The following PRDM2 variants were observed in gnomAD, a reference collection of about 807,000 sequenced individuals.
The protein encoded by PRDM2 is PR/SET domain 2.
In PRDM2, 30 loss-of-function variants were observed where a neutral mutation model predicts 130.0. The ratio of observed to expected loss-of-function variants is 0.23; its 90% CI spans 0.17 to 0.31. PRDM2 has a LOEUF of 0.31. Ranked by LOEUF, PRDM2 falls within the 10% of genes least tolerant of loss-of-function variation. The pLI, the probability that PRDM2 is intolerant of heterozygous loss-of-function variation, is 1.00. For missense variants in PRDM2, 2,011 were observed against 2,108.4 expected (o/e 0.95, Z 0.90); for synonymous variants, 871 against 782.4 (o/e 1.11, Z -1.89).
At position 13,824,448 on chromosome 1, in the gene PRDM2, A is replaced by C. The variant is rs1398477032; in HGVS notation, c.*1313A>C. The C allele has an allele frequency of 6.6e-6, 1 of 152,214 alleles. No individual in the cohort carries two copies. The highest frequency in any genetic ancestry group is 1.5e-5 in the Non-Finnish European group (1 of 68,032). 9.4% of individuals were successfully genotyped at this position (152,214 alleles called of 1,614,324 possible). On this transcript the variant is annotated 3_prime_UTR_variant, in exon 10 of 10. Coordinates refer to ENST00000311066, the MANE Select transcript of PRDM2 (RefSeq NM_001393986.1). ...CCTGACTGTAAATGCTCCATTTTTA[A>C]AGTTTTATAACTTGTGTTATTTAAT... is the stretch of plus-strand genomic sequence containing the variant.
chr1:13,822,286 A>G (rs945012316), intron 9 of PRDM2, among the ~76,000 whole-genome samples: 1 of 152,162 alleles, frequency 6.6e-6, no homozygotes, highest in African/African-American at 2.4e-5. Flanking sequence ...CGTGTCCTCT[A>G]GACACATATG....
intron 8 of PRDM2, 96 bp downstream of exon 8, chr1:13,782,927 TTTC>T (rs1426235195): frequency 1.9e-6 from 3 of 1,572,112 alleles, no homozygotes; most frequent in East Asian, 2.2e-5. Context: ...TTTTTTTTTT[TTTC>T]CCCACTTAAA....
intron 2 of PRDM2, 56 bp from the exon 3 acceptor site, chr1:13,730,944 C>T (rs200551782): frequency 8.6e-7 from 1 of 1,160,804 alleles, no homozygotes. Context: ...AAAAAAAAAA[C>T]CCATGATTTG....
At chr1:13,762,447 ACCTTG>A (rs1307628355) in intron 6 of PRDM2, among the ~76,000 whole-genome samples, 1 of 152,172 alleles carries the variant, frequency 6.6e-6, no homozygotes, top group Admixed American at 6.5e-5. Context: ...AGCACGAGTA[ACCTTG>A]GAGACACAGG....
chr1:13,822,499 C>T (rs1645369149), intron 9 of PRDM2, among the ~76,000 whole-genome samples: 1 of 151,686 alleles, frequency 6.6e-6, no homozygotes, highest in South Asian at 2.1e-4. Context: ...AGGTTCACGC[C>T]ATTCTCCTGC....
In PRDM2 at chr1:13,823,324, A is replaced by AACAC; in HGVS notation, c.*189_*190insACAC. On this transcript the variant is annotated 3_prime_UTR_variant, in exon 10 of 10. Coordinates refer to ENST00000311066, the MANE Select transcript of PRDM2 (RefSeq NM_001393986.1). Reference sequence around the variant, plus strand: ...TCACGTGTTCTCGTGCGGGCGCGTGAGTGGTCTTCAAACGAGGGTCCCGAT... The same window carrying AACAC: ...TCACGTGTTCTCGTGCGGGCGCGTGAACACGTGGTCTTCAAACGAGGGTCCCGAT... 1.9e-6 allele frequency: 2 copies of AACAC among 1,034,462 alleles called. No homozygotes were observed. Among genetic ancestry groups the AACAC allele is most frequent in the Non-Finnish European group, 2.9e-6 (2 of 684,160 alleles). 64.1% of individuals were successfully genotyped at this position (1,034,462 alleles called of 1,614,324 possible).
At position 13,823,270 on chromosome 1, in the gene PRDM2, C is replaced by T. The variant is rs532631041; in HGVS notation, c.*135C>T. The T allele has an allele frequency of 4.5e-5, 66 of 1,456,912 alleles. No homozygotes were observed. In the Middle Eastern group the frequency reaches 5.2e-4, roughly 11 times the overall value. The allele number at this position is 1,456,912 out of a possible 1,614,324, so 90.2% of individuals were successfully genotyped here. A position where few individuals can be genotyped will look rare whatever the true frequency, so the allele number is the denominator to read the frequency against. ...CTGCGAGAGAAAGGGAGTGCATGTG[C>T]GCGCGTGCATGTGTGCGTGCGTGTG... On this transcript the variant is annotated 3_prime_UTR_variant, in exon 10 of 10. Transcript: ENST00000311066.
chr1:13,724,794 A>C (rs770624178), intron 2 of PRDM2, among the ~76,000 whole-genome samples: 1 of 152,214 alleles, frequency 6.6e-6, no homozygotes, highest in Non-Finnish European at 1.5e-5. Flanking sequence ...TATAAAACAA[A>C]GTATGGAAGA....
chr1:13,714,953 A>T (rs1266205702), intron 1 of PRDM2, among the ~76,000 whole-genome samples: 3 of 152,206 alleles, frequency 2.0e-5, no homozygotes, highest in African/African-American at 7.2e-5. Flanking sequence ...TTTTTATTTT[A>T]CTATACTATG....
intron 5 of PRDM2, among the ~76,000 whole-genome samples, chr1:13,748,874 G>A (rs533185360): frequency 1.3e-5 from 2 of 152,214 alleles, no homozygotes; most frequent in African/African-American, 4.8e-5. Flanking sequence ...CGGCGCATTT[G>A]TAAGTGCTTG....
intron 1 of PRDM2, among the ~76,000 whole-genome samples, chr1:13,700,529 T>C (rs1642038748): frequency 6.6e-6 from 1 of 150,988 alleles, no homozygotes; most frequent in African/African-American, 2.4e-5. Context: ...GGCGCCGGGC[T>C]CCTCCTTGTC....
chr1:13,753,496 CTGT>C (rs1643884679), intron 6 of PRDM2, among the ~76,000 whole-genome samples: 1 of 152,182 alleles, frequency 6.6e-6, no homozygotes, highest in Admixed American at 6.5e-5. Flanking sequence ...AACCTTGGTA[CTGT>C]GACGACACTC....
chr1:13,784,003 G>A (rs942968654), intron 8 of PRDM2, among the ~76,000 whole-genome samples: 1 of 152,172 alleles, frequency 6.6e-6, no homozygotes, highest in African/African-American at 2.4e-5. Flanking sequence ...TTTAATGCTG[G>A]TGTGCCTTAA....
intron 4 of PRDM2, among the ~76,000 whole-genome samples, chr1:13,735,825 A>T (rs1446230327): frequency 6.6e-6 from 1 of 152,226 alleles, no homozygotes; most frequent in East Asian, 1.9e-4. Context: ...ACTGCAACAT[A>T]ATAGAAACAA....
rs77717345 is a variant in PRDM2 at position 13,823,173 on chromosome 1, T to G, written c.*38T>G. ...TTTCTCCTCAGCACCTGAAGTGACCTGGAATCAGTGAAGCCAAAGGGACTG... is the reference window on the plus strand; with the variant it reads ...TTTCTCCTCAGCACCTGAAGTGACCGGGAATCAGTGAAGCCAAAGGGACTG... On this transcript the variant is annotated 3_prime_UTR_variant, in exon 10 of 10. Transcript: ENST00000311066. The G allele has an allele frequency of 3.7e-4, 603 of 1,613,350 alleles. 8 individuals are homozygous for G. The African/African-American group carries it at 6.8e-3, about 18-fold the overall frequency.
intron 2 of PRDM2, among the ~76,000 whole-genome samples, chr1:13,718,376 C>T (rs1288308022): frequency 1.3e-5 from 2 of 152,110 alleles, no homozygotes; most frequent in Non-Finnish European, 2.9e-5. Context: ...GCAGGATCCT[C>T]GTCATGGGCA....
chr1:13,786,685 T>C, intron 8 of PRDM2: 15 of 1,492,812 alleles, frequency 1.0e-5, no homozygotes, highest in Non-Finnish European at 1.2e-5. Flanking sequence ...GCCGGCAGGC[T>C]TAGAGTCAGG....
chr1:13,701,768 C>T (rs1425949604), intron 1 of PRDM2, among the ~76,000 whole-genome samples: 2 of 152,158 alleles, frequency 1.3e-5, no homozygotes, highest in South Asian at 4.1e-4. Context: ...TCTTTTTACT[C>T]AACACATCTG....
rs1244320828 is a variant in PRDM2, at chr1:13,781,553, T to C, written c.3758T>C (p.Leu1253Ser). 6.2e-7 allele frequency: 1 copy of C among 1,612,290 alleles called. No individual in the cohort carries two copies. Residue 1253 changes from leucine (L) to serine (S), a missense_variant, in exon 8 of 10, where the codon TTA becomes TCA. This residue lies in a region of PRDM2 where 229 missense variants were observed against 364.1 expected (regional missense o/e 0.63). Coordinates refer to ENST00000311066, the MANE Select transcript of PRDM2 (RefSeq NM_001393986.1). This position sits in a 1 kb window ranked among gnomAD's most constrained non-coding sequence, Gnocchi z 6.1. ...ATGCAGAGCTTGCCAGAAGATCCTT[T>C]AGAAACTTCTAAAGAAGAAGAGGAG... ...EHMQSLPEDP[L>S]ETSKEEEELN...
Sources: allele counts gnomAD v4.1 joint callset (sites outside exome capture counted in the v4.1 genomes callset), GRCh38; gene constraint gnomAD v4.1.1; regional missense constraint gnomAD v4.1.1; non-coding constraint Gnocchi (gnomAD v3.1); transcripts MANE v1.5; gene names NCBI Gene and HGNC (gene_info 2026-07-23, HGNC 2026-07-21).